CFAP20DC: variants seen among roughly 807,000 people sequenced by gnomAD.
The protein encoded by CFAP20DC is protein CFAP20DC.
CFAP20DC carries 84 observed loss-of-function variants against 101.7 expected under a neutral mutation model. The ratio of observed to expected loss-of-function variants is 0.83; its 90% CI spans 0.69 to 0.99. The LOEUF is 0.99. Ranked by LOEUF, CFAP20DC falls within the 50% of genes least tolerant of loss-of-function variation. The probability of loss-of-function intolerance (pLI) is 0.00; values close to 1 mark genes in which losing one functional copy is unlikely to be tolerated. For missense variants in CFAP20DC, 1,007 were observed against 970.3 expected, an observed-to-expected ratio of 1.04 and a Z score of -0.50; for synonymous variants, 359 against 351.2, an observed-to-expected ratio of 1.02 and a Z score of -0.25.
In CFAP20DC at chr3:58,988,566, T is replaced by C. The variant is rs146044614; in HGVS notation, c.279-50804A>G. Among the ~76,000 whole-genome samples the C allele has an allele frequency of 1.6e-4, 25 of 152,240 alleles. No homozygotes were observed. The East Asian group carries it at 4.1e-3, about 25-fold the overall frequency. Reference sequence around the variant, plus strand: ...AGTGACATATGTCAGCTCATACTCATCTTCACTGGCTAAAGCAACTACTTC... The same window carrying C: ...AGTGACATATGTCAGCTCATACTCACCTTCACTGGCTAAAGCAACTACTTC... On this transcript the variant is annotated intron_variant, in intron 4 of 16. Coordinates refer to ENST00000482387, the MANE Select transcript of CFAP20DC (RefSeq NM_001394063.1).
chr3:58,871,440 C>G (rs750865727), intron 7 of CFAP20DC, among the ~76,000 whole-genome samples: 1 of 152,134 alleles, frequency 6.6e-6, no homozygotes, highest in Non-Finnish European at 1.5e-5. Flanking sequence ...CTCACCAAAT[C>G]CTGCTGCCTT....
chr3:58,937,840 T>TGG, intron 4 of CFAP20DC, 78 bp from the exon 5 acceptor site: 1 of 817,030 alleles, frequency 1.2e-6, no homozygotes, highest in South Asian at 1.5e-5. Flanking sequence ...ATCAAAATGA[T>TGG]ATAATTTATC....
At chr3:58,779,481 C>T (rs1362088898) in intron 15 of CFAP20DC, among the ~76,000 whole-genome samples, 1 of 152,092 alleles carries the variant, frequency 6.6e-6, no homozygotes, top group Admixed American at 6.5e-5. Context: ...AATATCTGTG[C>T]ACCCAACATC....
chr3:59,005,364 GAA>G, intron 4 of CFAP20DC, among the ~76,000 whole-genome samples: 1 of 152,244 alleles, frequency 6.6e-6, no homozygotes, highest in South Asian at 2.1e-4. Flanking sequence ...AGATAAATGA[GAA>G]ACAATACATA....
rs532508497 is a variant in CFAP20DC, at chr3:58,869,557, T to C, written c.853-67A>G. ...ACATTTGTTTTCTGTAGAAGCTATA[T>C]AGAAAACATAATATTTGGACCAATG... On this transcript the variant is annotated intron_variant, in intron 8 of 16. Coordinates refer to ENST00000482387, the MANE Select transcript of CFAP20DC (RefSeq NM_001394063.1). This position sits in a 1 kb window ranked among gnomAD's most constrained non-coding sequence, Gnocchi z 4.3. 64 of 1,241,916 alleles carry C rather than the reference T, an allele frequency of 5.2e-5. No individual in the cohort carries two copies. In the South Asian group the frequency reaches 5.8e-4, roughly 11 times the overall value. The allele number at this position is 1,241,916 out of a possible 1,614,324, so 76.9% of individuals were successfully genotyped here. A position where few individuals can be genotyped will look rare whatever the true frequency, so the allele number is the denominator to read the frequency against.
At chr3:58,986,389 T>G (rs1433926557) in intron 4 of CFAP20DC, among the ~76,000 whole-genome samples, 1 of 152,116 alleles carries the variant, frequency 6.6e-6, no homozygotes, top group Non-Finnish European at 1.5e-5. Flanking sequence ...ACATCTATAG[T>G]GAGACAGTAG....
Position 58,925,380 on chromosome 3 carries a change from C to T in CFAP20DC, c.394-11516G>A, listed in dbSNP as rs908258964. On this transcript the variant is annotated intron_variant, in intron 5 of 16. Transcript: ENST00000482387. Reference sequence around the variant, plus strand: ...GACTAGTTTGGTGTTTACCATAGCCCGTTATCAATAATTATTTACATGTTT... The same window carrying T: ...GACTAGTTTGGTGTTTACCATAGCCTGTTATCAATAATTATTTACATGTTT... Among the ~76,000 whole-genome samples the T allele has an allele frequency of 3.3e-5, 5 of 152,100 alleles. No individual in the cohort carries two copies. In the East Asian group the frequency reaches 5.8e-4, roughly 18 times the overall value.
Position 58,742,657 on chromosome 3 carries a change from T to A in CFAP20DC, c.2333-85A>T, listed in dbSNP as rs969751116. ...AAGGGCAACGAAGCAGGAATCACCA[T>A]CTCTCCTGGGGGATTTTCTTTATGC... On this transcript the variant is annotated intron_variant, in intron 16 of 16. Coordinates refer to ENST00000482387, the MANE Select transcript of CFAP20DC (RefSeq NM_001394063.1). 2.9e-5 allele frequency: 27 copies of A among 925,910 alleles called. No individual in the cohort carries two copies. The East Asian group carries it at 7.3e-4, about 25-fold the overall frequency. 57.4% of individuals were successfully genotyped at this position (925,910 alleles called of 1,614,324 possible).
intron 4 of CFAP20DC, among the ~76,000 whole-genome samples, chr3:58,993,960 G>A (rs1236048908): frequency 6.6e-6 from 1 of 152,158 alleles, no homozygotes; most frequent in African/African-American, 2.4e-5. Context: ...TAATGGGATT[G>A]CTGGGTCAAA....
intron 4 of CFAP20DC, among the ~76,000 whole-genome samples, chr3:58,954,819 T>C (rs1240603323): frequency 6.6e-6 from 1 of 152,212 alleles, no homozygotes; most frequent in African/African-American, 2.4e-5. Flanking sequence ...TAACATTCTT[T>C]ACAATGCATA....
At chr3:59,025,591 C>G (rs755547240) in intron 4 of CFAP20DC, among the ~76,000 whole-genome samples, 14 of 152,092 alleles carry the variant, frequency 9.2e-5, no homozygotes, top group Admixed American at 7.9e-4. Flanking sequence ...ATAATATCAG[C>G]CCCATTGTAC....
At chr3:58,943,406 T>C (rs115639863) in intron 4 of CFAP20DC, among the ~76,000 whole-genome samples, 9,121 of 152,260 alleles carry the variant, frequency 0.06, 356 homozygotes, top group Admixed American at 0.092. Flanking sequence ...TTCTGCAGCC[T>C]CTGCTGGTGA....
chr3:59,026,076 A>T (rs541977833), intron 4 of CFAP20DC, among the ~76,000 whole-genome samples: 1 of 152,338 alleles, frequency 6.6e-6, no homozygotes, highest in East Asian at 1.9e-4. Context: ...TAAGAAAGTC[A>T]GTATGCAAAG....
intron 4 of CFAP20DC, among the ~76,000 whole-genome samples, chr3:58,995,501 T>C (rs1057030284): frequency 3.3e-5 from 5 of 152,194 alleles, no homozygotes; most frequent in African/African-American, 1.2e-4. Context: ...TAAGAGTTTA[T>C]AGGAATCAAA....
chr3:59,016,656 A>G (rs1225476149), intron 4 of CFAP20DC, among the ~76,000 whole-genome samples: 1 of 152,116 alleles, frequency 6.6e-6, no homozygotes, highest in Non-Finnish European at 1.5e-5. Flanking sequence ...AGGTATGTAC[A>G]ATTGTTACTT....
intron 14 of CFAP20DC, among the ~76,000 whole-genome samples, chr3:58,829,046 G>A (rs2076225113): frequency 6.6e-6 from 1 of 151,992 alleles, no homozygotes; most frequent in Admixed American, 6.6e-5. Context: ...AAAGAAGAGT[G>A]GGACAGGCCG....
rs1016758884 is a variant in CFAP20DC, at chr3:58,863,663, G to T, written c.1488C>A (p.Ser496=). Reference sequence around the variant, plus strand: ...CCAAAATAAATGAGAGCTCCTCTGGGGACATAGTCTGAGTCTTTCCATGAG... The same window carrying T: ...CCAAAATAAATGAGAGCTCCTCTGGTGACATAGTCTGAGTCTTTCCATGAG... ...SAPHGKTQTM[S]PEELSFILDL... is the part of the protein sequence containing the mutation. The change falls in exon 12 of 17, where the codon TCC becomes TCA. Residue 496 remains serine (S), a synonymous_variant. Coordinates refer to ENST00000482387, the MANE Select transcript of CFAP20DC (RefSeq NM_001394063.1). This position sits in a 1 kb window ranked among gnomAD's most constrained non-coding sequence, Gnocchi z 5.9. 1 of 1,614,076 alleles carries T rather than the reference G, an allele frequency of 6.2e-7. No homozygotes were observed. The highest frequency in any genetic ancestry group is 1.7e-5 in the Admixed American group (1 of 60,012).
At chr3:58,809,749 T>C (rs1456165651) in intron 14 of CFAP20DC, among the ~76,000 whole-genome samples, 2 of 152,032 alleles carry the variant, frequency 1.3e-5, no homozygotes, top group Admixed American at 1.3e-4. Flanking sequence ...CTTTCAAAAA[T>C]TAATGAATCC....
At chr3:58,949,033 G>A (rs576405227) in intron 4 of CFAP20DC, among the ~76,000 whole-genome samples, 216 of 152,130 alleles carry the variant, frequency 1.4e-3, no homozygotes, top group Middle Eastern at 6.8e-3. Flanking sequence ...TGTATGTGTC[G>A]AGGAATTTAT....
Sources: gnomAD v4.1 joint callset for allele counts (sites outside exome capture counted in the v4.1 genomes callset) on GRCh38, gnomAD v4.1.1 for gene constraint, Gnocchi (gnomAD v3.1) non-coding constraint, MANE v1.5 for transcripts, NCBI Gene and HGNC (gene_info 2026-07-23, HGNC 2026-07-21) for gene names.